Variants in DAW1 observed in about 807,000 individuals in gnomAD.
The protein encoded by DAW1 is dynein assembly factor with WD repeats 1, also known as dynein assembly factor with WD repeat domains 1.
A neutral mutation model predicts 56.5 loss-of-function variants in DAW1; 47 were observed. The ratio of observed to expected loss-of-function variants is 0.83; its 90% confidence interval spans 0.66 to 1.06. The LOEUF (loss-of-function observed/expected upper bound fraction) is 1.06, where lower values mean the gene tolerates loss of function less well. DAW1 is among the 50% of genes least tolerant of loss of function. DAW1 has a pLI of 0.00. For missense variants in DAW1, 505 were observed against 499.3 expected (o/e 1.01, Z -0.11); for synonymous variants, 190 against 179.0 (o/e 1.06, Z -0.49).
intron 10 of DAW1, among the ~76,000 whole-genome samples, chr2:227,909,516 T>C (rs1238525674): frequency 6.6e-6 from 1 of 151,712 alleles, no homozygotes; most frequent in Non-Finnish European, 1.5e-5. Flanking sequence ...TATTTATATA[T>C]GAAGGCTGAG....
intron 5 of DAW1, among the ~76,000 whole-genome samples, chr2:227,894,275 G>A (rs866126926): frequency 6.6e-6 from 1 of 152,082 alleles, no homozygotes; most frequent in South Asian, 2.1e-4. Context: ...TGTATGTAAT[G>A]TATGGTGGCG....
chr2:227,919,661 A>G (rs1309783027), intron 11 of DAW1, among the ~76,000 whole-genome samples: 1 of 152,192 alleles, frequency 6.6e-6, no homozygotes, highest in Non-Finnish European at 1.5e-5. Flanking sequence ...AGGATTTTGT[A>G]TAAACTTCCC....
At chr2:227,910,159 A>G (rs1691780647) in intron 10 of DAW1, among the ~76,000 whole-genome samples, 2 of 152,236 alleles carry the variant, frequency 1.3e-5, no homozygotes, top group South Asian at 4.1e-4. Context: ...GCTATATAAT[A>G]TATGCATCAT....
rs933017498 is a variant in DAW1, at chr2:227,891,532, A to T, written c.317+219A>T. 5.9e-5 allele frequency among the ~76,000 whole-genome samples: 9 copies of T among 152,284 alleles called. No individual in the cohort carries two copies. The South Asian group carries it at 1.7e-3, about 28-fold the overall frequency. On this transcript the variant is annotated intron_variant, in intron 4 of 12. Coordinates refer to ENST00000309931, the MANE Select transcript of DAW1 (RefSeq NM_178821.3). Reference sequence around the variant, plus strand: ...TGAATGGGAGGCATATTGGGTTCTCAGCAAATGTAGCTACTGAAGAACTCA... The same window carrying T: ...TGAATGGGAGGCATATTGGGTTCTCTGCAAATGTAGCTACTGAAGAACTCA...
At chr2:227,909,271 T>TCTATCTATCTAC (rs1302817041) in intron 10 of DAW1, among the ~76,000 whole-genome samples, 2 of 65,156 alleles carry the variant, frequency 3.1e-5, no homozygotes. Context: ...TATCTATCTA[T>TCTATCTATCTAC]CTGTCTGTCT....
Position 227,912,349 on chromosome 2 carries a change from C to T in DAW1, c.973+5097C>T, listed in dbSNP as rs971846004. 29 of 1,304,338 alleles carry T rather than the reference C, an allele frequency of 2.2e-5. No individual in the cohort carries two copies. In the African/African-American group the frequency reaches 3.6e-4, roughly 16 times the overall value. The allele number at this position is 1,304,338 out of a possible 1,614,324, so 80.8% of individuals were successfully genotyped here. A position where few individuals can be genotyped will look rare whatever the true frequency, so the allele number is the denominator to read the frequency against. On this transcript the variant is annotated intron_variant, in intron 10 of 12. Transcript: ENST00000309931. ...CCAGGTTCAAGCGATTCTCCTGCCT[C>T]AGCCGCCCGAGTTATGTCACGTTCT...
chr2:227,921,465 G>A lies in DAW1; in HGVS notation c.1117G>A (p.Asp373Asn), dbSNP rs1318905024. 3 of 1,613,816 alleles carry A rather than the reference G, an allele frequency of 1.9e-6. No homozygotes were observed. The highest frequency in any genetic ancestry group is 2.5e-6 in the Non-Finnish European group (3 of 1,179,994). ...CTCTGACAAAACGGCTAGAATCTGG[G>A]ATGCTCAGACTGGCCAGTGCCTCCA... Reference protein sequence around the residue: ...GSSDKTARIWDAQTGQCLQVL... With the variant: ...GSSDKTARIWNAQTGQCLQVL... Residue 373 changes from aspartate to asparagine, a missense_variant, in exon 12 of 13, where the codon GAT becomes AAT. Coordinates refer to ENST00000309931, the MANE Select transcript of DAW1 (RefSeq NM_178821.3).
At chr2:227,889,601 C>A in intron 2 of DAW1, 1 of 295,518 alleles carries the variant, frequency 3.4e-6, no homozygotes, top group Non-Finnish European at 6.2e-6. Flanking sequence ...TTGGCACACC[C>A]TCCATGAAAC....
chr2:227,919,713 C>T lies in DAW1; in HGVS notation c.1050+857C>T, dbSNP rs565217945. Among the ~76,000 whole-genome samples, 3 of 152,326 alleles carry T rather than the reference C, an allele frequency of 2.0e-5. No individual in the cohort carries two copies. In the South Asian group the frequency reaches 6.2e-4, roughly 32 times the overall value. On this transcript the variant is annotated intron_variant, in intron 11 of 12. Coordinates refer to ENST00000309931, the MANE Select transcript of DAW1 (RefSeq NM_178821.3). ...GGAGCAGGCCCACCCAGTCAGTGAT[C>T]TGAAGTTTAGATGTGTCATCAGAAC...
intron 10 of DAW1, among the ~76,000 whole-genome samples, chr2:227,910,043 C>T (rs576244441): frequency 2.0e-5 from 3 of 152,288 alleles, no homozygotes; most frequent in East Asian, 1.9e-4. Flanking sequence ...AATACAACAT[C>T]GTGATGTTTC....
rs1377813609 is a variant in DAW1 at position 227,876,431 on chromosome 2, T to G, written c.40+4702T>G. 2.3e-6 allele frequency: 3 copies of G among 1,302,298 alleles called. No homozygotes were observed. In the African/African-American group the frequency reaches 4.6e-5, roughly 20 times the overall value. 80.7% of individuals were successfully genotyped at this position (1,302,298 alleles called of 1,614,324 possible). ...TACTTAGCATGCTTGACATTTAATT[T>G]CTGAATTCCAGTCTTTGGTGAGCCA... is the stretch of plus-strand genomic sequence containing the variant. On this transcript the variant is annotated intron_variant, in intron 1 of 12. Transcript: ENST00000309931.
chr2:227,923,122 T>G (rs1692147524), intron 12 of DAW1, among the ~76,000 whole-genome samples: 1 of 152,226 alleles, frequency 6.6e-6, no homozygotes, highest in South Asian at 2.1e-4. Context: ...ATTTAGTGTA[T>G]CCCAAAGCAC....
chr2:227,904,041 G>T (rs1691619563), intron 7 of DAW1, among the ~76,000 whole-genome samples: 1 of 151,198 alleles, frequency 6.6e-6, no homozygotes, highest in East Asian at 1.9e-4. Context: ...TGCAGGGAAA[G>T]GTCCCCATTA....
chr2:227,886,686 C>A (rs1691138098), intron 2 of DAW1, among the ~76,000 whole-genome samples: 1 of 152,186 alleles, frequency 6.6e-6, no homozygotes, highest in Non-Finnish European at 1.5e-5. Flanking sequence ...GTGGCTCACA[C>A]CTGTAATCCC....
intron 1 of DAW1, among the ~76,000 whole-genome samples, chr2:227,884,300 C>T (rs1043349674): frequency 2.0e-5 from 3 of 151,910 alleles, no homozygotes; most frequent in African/African-American, 7.3e-5. Flanking sequence ...TCTTTAAAGT[C>T]CTTGTCAGAT....
Position 227,921,513 on chromosome 2 carries a change from G to A in DAW1, c.1165G>A (p.Glu389Lys). 6.2e-7 allele frequency: 1 copy of A among 1,613,860 alleles called. No individual in the cohort carries two copies. Among genetic ancestry groups the A allele is most frequent in the East Asian group, 2.2e-5 (1 of 44,850 alleles). The change falls in exon 12 of 13, where the codon GAA becomes AAA. Residue 389 changes from glutamate to lysine, a missense_variant. Physicochemically the swap from Glu to Lys is moderately conservative, Grantham distance 56. Transcript: ENST00000309931. ...CCAGGTTCTTGAGGGGCACACTGATGAAATCTTTTCATGTGCTTTCAACTA... is the reference window on the plus strand; with the variant it reads ...CCAGGTTCTTGAGGGGCACACTGATAAAATCTTTTCATGTGCTTTCAACTA... ...CLQVLEGHTD[E>K]IFSCAFNYKG...
chr2:227,901,728 G>T (rs1177150695), intron 6 of DAW1, among the ~76,000 whole-genome samples: 1 of 152,180 alleles, frequency 6.6e-6, no homozygotes, highest in Non-Finnish European at 1.5e-5. Context: ...TGACGAGTGA[G>T]CAGAAGATGG....
chr2:227,907,373 C>A (rs943425666), intron 10 of DAW1, 121 bp downstream of exon 10: 21 of 745,908 alleles, frequency 2.8e-5, no homozygotes, highest in Admixed American at 1.9e-4. Context: ...AACCATGTCT[C>A]ATCTCTATCG....
Position 227,888,485 on chromosome 2 carries a change from A to T in DAW1, c.114-1371A>T, listed in dbSNP as rs544274889. ...CAATCTGGAAGAGCTCAGGAGCAAA[A>T]CTTGCCAGCTAGAGGAGTGCCTCAC... On this transcript the variant is annotated intron_variant, in intron 2 of 12. Transcript: ENST00000309931. 9.9e-5 allele frequency among the ~76,000 whole-genome samples: 15 copies of T among 152,284 alleles called. No homozygotes were observed. In the East Asian group the frequency reaches 2.9e-3, roughly 29 times the overall value.
Sources: allele counts gnomAD v4.1 joint callset (sites outside exome capture counted in the v4.1 genomes callset), GRCh38; gene constraint gnomAD v4.1.1; transcripts MANE v1.5; gene names NCBI Gene and HGNC (gene_info 2026-07-23, HGNC 2026-07-21).